The following SHISA9 variants were observed in gnomAD, a reference collection of about 807,000 sequenced individuals.
SHISA9 encodes protein shisa-9.
Under a neutral mutation model 38.0 loss-of-function variants are expected in SHISA9, and 13 were observed. The ratio of observed to expected loss-of-function variants is 0.34; its 90% CI spans 0.22 to 0.54. SHISA9 has a LOEUF of 0.54. SHISA9 is among the 20% of genes least tolerant of loss of function. SHISA9 has a pLI of 0.91. For missense variants in SHISA9, 538 were observed against 575.8 expected, an observed-to-expected ratio of 0.93 and a Z score of 0.67; for synonymous variants, 275 against 242.0, an observed-to-expected ratio of 1.14 and a Z score of -1.27.
At chr16:12,960,241 C>T (rs527461534) in intron 2 of SHISA9, among the ~76,000 whole-genome samples, 27 of 152,258 alleles carry the variant, frequency 1.8e-4, no homozygotes, top group South Asian at 8.3e-4. Flanking sequence ...CAATGTCTAG[C>T]GTAGTGCCAG....
At chr16:13,544,620 T>A in the SHISA9 span, among the ~76,000 whole-genome samples, 1 of 152,082 alleles carries the variant, frequency 6.6e-6, no homozygotes, top group East Asian at 1.9e-4. Flanking sequence ...AGCAACCACC[T>A]TTTTAGGTGT....
chr16:13,019,784 C>A (rs1567183791), intron 2 of SHISA9, among the ~76,000 whole-genome samples: 1 of 125,774 alleles, frequency 8.0e-6, no homozygotes, highest in Non-Finnish European at 1.7e-5. Flanking sequence ...TTCTTTCTTT[C>A]TTTCTTTCTT....
the SHISA9 span, among the ~76,000 whole-genome samples, chr16:13,368,310 C>T: frequency 0.011 from 1,604 of 152,246 alleles, 15 homozygotes; most frequent in Middle Eastern, 0.034. Flanking sequence ...TTTGGTAGCA[C>T]AGGTAGTCTC....
chr16:13,471,280 G>A, the SHISA9 span, among the ~76,000 whole-genome samples: 2 of 152,004 alleles, frequency 1.3e-5, no homozygotes, highest in Non-Finnish European at 2.9e-5. Context: ...GAAGGGCTGT[G>A]TTGTGGTCAT....
the SHISA9 span, among the ~76,000 whole-genome samples, chr16:13,284,564 T>G: frequency 6.6e-6 from 1 of 152,144 alleles, no homozygotes; most frequent in Non-Finnish European, 1.5e-5. Context: ...TTTCTTTAGC[T>G]CAGAAAAATT....
the SHISA9 span, among the ~76,000 whole-genome samples, chr16:13,306,789 C>T: frequency 9.9e-5 from 15 of 152,186 alleles, no homozygotes; most frequent in Admixed American, 3.3e-4. Context: ...CATACACTGT[C>T]ACTTCTGCTT....
the SHISA9 span, among the ~76,000 whole-genome samples, chr16:13,327,784 G>C: frequency 6.6e-6 from 1 of 151,986 alleles, no homozygotes; most frequent in East Asian, 2.0e-4. Context: ...AGCCTCCCAA[G>C]TAGTTGGGAT....
chr16:13,265,820 GAA>G, the SHISA9 span, among the ~76,000 whole-genome samples: 6 of 150,590 alleles, frequency 4.0e-5, no homozygotes, highest in South Asian at 2.1e-4. Context: ...AAGATAACTG[GAA>G]AAAAAAAACA....
intron 2 of SHISA9, among the ~76,000 whole-genome samples, chr16:12,988,323 T>C (rs1259920170): frequency 6.6e-6 from 1 of 152,158 alleles, no homozygotes; most frequent in Non-Finnish European, 1.5e-5. Flanking sequence ...AATAACATTC[T>C]CCCGCAGGTC....
intron 2 of SHISA9, among the ~76,000 whole-genome samples, chr16:13,181,893 A>G (rs1596708640): frequency 1.3e-5 from 2 of 152,198 alleles, no homozygotes; most frequent in Non-Finnish European, 2.9e-5. Flanking sequence ...AATTATTTTA[A>G]GGGAACCAGC....
chr16:13,031,032 T>A (rs1436244574), intron 2 of SHISA9, among the ~76,000 whole-genome samples: 1 of 152,202 alleles, frequency 6.6e-6, no homozygotes, highest in Non-Finnish European at 1.5e-5. Context: ...TGAGCCCATA[T>A]CTTCCAGCCG....
intron 2 of SHISA9, among the ~76,000 whole-genome samples, chr16:13,002,402 G>C (rs937143426): frequency 1.3e-5 from 2 of 152,006 alleles, no homozygotes. Flanking sequence ...GATTATCCTC[G>C]TTGTCCACAA....
rs12444395 is a variant in SHISA9, at chr16:13,203,491, C to T, written c.789C>T (p.Pro263=). 43,859 of 1,550,138 alleles carry T rather than the reference C, an allele frequency of 0.028. 787 individuals carry two copies. The highest frequency in any genetic ancestry group is 0.046 in the South Asian group (3,839 of 83,858). ...CGAACCTGGGCCAGATCTCCAACCC[C>T]TATGAACAGCAGCCACCAGGAAAAG... is the stretch of plus-strand genomic sequence containing the variant. ...SYPNLGQISN[P]YEQQPPGKEL... is the part of the protein sequence containing the mutation. The change falls in exon 3 of 5, where the codon CCC becomes CCT. Residue 263 remains proline, a synonymous_variant. Coordinates refer to ENST00000558583, the MANE Select transcript of SHISA9 (RefSeq NM_001145204.3).
rs111232849 is a variant in SHISA9 at position 12,974,506 on chromosome 16, T to C, written c.691+57691T>C. Among the ~76,000 whole-genome samples, 423 of 105,658 alleles carry C rather than the reference T, an allele frequency of 4.0e-3. 5 individuals are homozygous for C. The highest frequency in any genetic ancestry group is 0.013 in the African/African-American group (385 of 29,700). 69.3% of individuals were successfully genotyped at this position (105,658 alleles called of 152,430 possible). ...TTTTTTTTTTTTTTTTTTTTTTTTT[T>C]CCGGAGTTTCGCTCTGTCGCCCAGG... On this transcript the variant is annotated intron_variant, in intron 2 of 4. Coordinates refer to ENST00000558583, the MANE Select transcript of SHISA9 (RefSeq NM_001145204.3).
chr16:13,118,729 T>TC (rs1201436985), intron 2 of SHISA9, among the ~76,000 whole-genome samples: 1 of 100,680 alleles, frequency 9.9e-6, no homozygotes, highest in African/African-American at 5.0e-5. Flanking sequence ...TTTTCTTTTT[T>TC]CTTTTTTTTT....
At chr16:13,362,473 G>A in the SHISA9 span, among the ~76,000 whole-genome samples, 1 of 151,998 alleles carries the variant, frequency 6.6e-6, no homozygotes, top group Non-Finnish European at 1.5e-5. Flanking sequence ...AAACAAAAAC[G>A]TGGTGATGGC....
intron 1 of SHISA9, among the ~76,000 whole-genome samples, chr16:12,903,303 C>T (rs1387019611): frequency 6.6e-6 from 1 of 152,198 alleles, no homozygotes; most frequent in African/African-American, 2.4e-5. Flanking sequence ...TGCCCGGGGC[C>T]GTGGCCATCG....
chr16:13,427,499 T>C, the SHISA9 span, among the ~76,000 whole-genome samples: 3 of 152,230 alleles, frequency 2.0e-5, no homozygotes, highest in South Asian at 2.1e-4. Flanking sequence ...ACAATTCTAA[T>C]TGGGAGGTGA....
the SHISA9 span, among the ~76,000 whole-genome samples, chr16:13,476,254 A>G: frequency 2.0e-5 from 3 of 152,206 alleles, no homozygotes; most frequent in African/African-American, 7.2e-5. Context: ...TCACCAGATC[A>G]TCACATCCAG....
Sources: gnomAD v4.1 joint callset for allele counts (sites outside exome capture counted in the v4.1 genomes callset) on GRCh38, gnomAD v4.1.1 for gene constraint, MANE v1.5 for transcripts, NCBI Gene and HGNC (gene_info 2026-07-23, HGNC 2026-07-21) for gene names.